The following RNF216 variants were observed in gnomAD, a reference collection of about 807,000 sequenced individuals.
The protein encoded by RNF216 is ring finger protein 216.
RNF216 carries 72 observed loss-of-function variants against 110.8 expected under a neutral mutation model. The ratio of observed to expected loss-of-function variants is 0.65; its 90% CI spans 0.54 to 0.79. The LOEUF (loss-of-function observed/expected upper bound fraction) is 0.79. RNF216 is among the 30% of genes least tolerant of loss of function. The pLI is 0.00. For synonymous variants in RNF216, 495 were observed against 407.5 expected (o/e 1.21, Z -2.59); for missense variants, 1,342 against 1,141.2 (o/e 1.18, Z -2.54).
chr7:5,760,151 A>T (rs936168873), intron 2 of RNF216, among the ~76,000 whole-genome samples: 1 of 152,240 alleles, frequency 6.6e-6, no homozygotes, highest in African/African-American at 2.4e-5. Context: ...AATTTCACAA[A>T]CATGTAAGAA....
intron 1 of RNF216, among the ~76,000 whole-genome samples, chr7:5,767,238 C>T (rs777856851): frequency 6.6e-6 from 1 of 152,170 alleles, no homozygotes; most frequent in Admixed American, 6.5e-5. Context: ...GGGCTCTGAT[C>T]CATGAAAAAT....
intron 13 of RNF216, among the ~76,000 whole-genome samples, chr7:5,699,436 A>G (rs544014123): frequency 6.6e-6 from 1 of 152,212 alleles, no homozygotes; most frequent in Non-Finnish European, 1.5e-5. Context: ...TTTTATTAGC[A>G]AATACCTAGA....
chr7:5,651,767 G>C (rs1404597584), intron 14 of RNF216, among the ~76,000 whole-genome samples: 17 of 152,002 alleles, frequency 1.1e-4, no homozygotes, highest in Non-Finnish European at 1.5e-5. Flanking sequence ...TCCTGCCTCA[G>C]CCTCCCGAGT....
intron 13 of RNF216, among the ~76,000 whole-genome samples, chr7:5,660,874 G>C (rs2128585065): frequency 6.7e-6 from 1 of 149,850 alleles, no homozygotes; most frequent in Non-Finnish European, 1.5e-5. Context: ...CTGGCCTGGG[G>C]AACATCTTTA....
At chr7:5,625,333 C>T (rs1786642531) in intron 15 of RNF216, among the ~76,000 whole-genome samples, 2 of 152,234 alleles carry the variant, frequency 1.3e-5, no homozygotes, top group South Asian at 4.1e-4. Flanking sequence ...CCCAACAATG[C>T]AAGCAGTCTA....
chr7:5,622,899 C>T lies in RNF216; in HGVS notation c.2733G>A (p.Leu911=). ...GCGGCTGGGGGCCAAAGTGCATGGG[C>T]AGGTTGTGCTCCAGGGGCATGTGGA... ...GPIHMPLEHN[L]PMHFGPQPRH... is the part of the protein sequence containing the mutation. Residue 911 remains leucine, a synonymous_variant, in exon 17 of 17, where the codon CTG becomes CTA. Coordinates refer to ENST00000389902, the MANE Select transcript of RNF216 (RefSeq NM_207111.4). 4 of 1,611,760 alleles carry T rather than the reference C, an allele frequency of 2.5e-6. No homozygotes were observed. The highest frequency in any genetic ancestry group is 3.4e-6 in the Non-Finnish European group (4 of 1,178,608).
At chr7:5,679,670 C>T (rs771414489) in intron 13 of RNF216, among the ~76,000 whole-genome samples, 2 of 152,214 alleles carry the variant, frequency 1.3e-5, no homozygotes, top group East Asian at 3.8e-4. Context: ...GAGAATAGCC[C>T]TGTCATGGAA....
intron 13 of RNF216, among the ~76,000 whole-genome samples, chr7:5,667,595 T>C (rs1339409066): frequency 2.6e-5 from 4 of 152,180 alleles, no homozygotes; most frequent in African/African-American, 9.7e-5. Flanking sequence ...AGAAACACTG[T>C]TATCACTTGG....
In RNF216 at chr7:5,701,069, T is replaced by G. The variant is rs565266998; in HGVS notation, c.2061+10692A>C. On this transcript the variant is annotated intron_variant, in intron 13 of 16. Coordinates refer to ENST00000389902, the MANE Select transcript of RNF216 (RefSeq NM_207111.4). Reference sequence around the variant, plus strand: ...TGAGAGAAGGAGCACAGCAGTGCTGTGGACAGAGAGTGCAGACCCTGAGAG... The same window carrying G: ...TGAGAGAAGGAGCACAGCAGTGCTGGGGACAGAGAGTGCAGACCCTGAGAG... 1.2e-4 allele frequency among the ~76,000 whole-genome samples: 18 copies of G among 152,252 alleles called. No homozygotes were observed. In the South Asian group the frequency reaches 3.5e-3, roughly 30 times the overall value.
At chr7:5,645,479 C>G (rs1787995538) in intron 14 of RNF216, among the ~76,000 whole-genome samples, 2 of 152,158 alleles carry the variant, frequency 1.3e-5, no homozygotes, top group South Asian at 4.1e-4. Context: ...ACAGCCGTAT[C>G]TTCAAGATCT....
At chr7:5,705,737 C>T (rs1348540505) in intron 13 of RNF216, among the ~76,000 whole-genome samples, 5 of 152,036 alleles carry the variant, frequency 3.3e-5, no homozygotes, top group South Asian at 4.1e-4. Context: ...GGAGAAACCC[C>T]GCCTCTACAA....
At chr7:5,759,022 T>C (rs1040041296) in intron 2 of RNF216, among the ~76,000 whole-genome samples, 2 of 152,140 alleles carry the variant, frequency 1.3e-5, no homozygotes, top group Admixed American at 6.5e-5. Flanking sequence ...AATTGGATCA[T>C]GGGGGTGGTA....
chr7:5,707,718 GTTTTTTT>G (rs35372254), intron 13 of RNF216, among the ~76,000 whole-genome samples: 14 of 92,856 alleles, frequency 1.5e-4, no homozygotes, highest in African/African-American at 6.2e-4. Context: ...TGTGTGTGTG[GTTTTTTT>G]TTTTTTTTTT....
At position 5,622,551 on chromosome 7, in the gene RNF216, G is replaced by A; in HGVS notation, c.*309C>T. The A allele has an allele frequency of 3.1e-6, 1 of 324,764 alleles. No homozygotes were observed. Among genetic ancestry groups the A allele is most frequent in the East Asian group, 5.3e-5 (1 of 18,834 alleles). 20.1% of individuals were successfully genotyped at this position (324,764 alleles called of 1,614,324 possible). A position where few individuals can be genotyped will look rare whatever the true frequency, so the allele number is the denominator to read the frequency against. Reference sequence around the variant, plus strand: ...GGAGAGGCCCAGGTGTGAGCAGCAGGGACCTGGTCTATGGCCTATGCCATG... The same window carrying A: ...GGAGAGGCCCAGGTGTGAGCAGCAGAGACCTGGTCTATGGCCTATGCCATG... On this transcript the variant is annotated 3_prime_UTR_variant, in exon 17 of 17. Transcript: ENST00000389902.
In RNF216 at chr7:5,775,761, C is replaced by T. The variant is rs577840066; in HGVS notation, c.-70+5780G>A. On this transcript the variant is annotated intron_variant, in intron 1 of 16. Coordinates refer to ENST00000389902, the MANE Select transcript of RNF216 (RefSeq NM_207111.4). ...GCAGGCACCTGTAGTCCCAGCTACT[C>T]GGGAGGCTGAGGCAGGAGAAATGCT... 2.3e-4 allele frequency among the ~76,000 whole-genome samples: 35 copies of T among 151,930 alleles called. No individual in the cohort carries two copies. In the East Asian group the frequency reaches 6.0e-3, roughly 26 times the overall value.
At chr7:5,656,060 G>A (rs1584389051) in intron 13 of RNF216, among the ~76,000 whole-genome samples, 1 of 152,146 alleles carries the variant, frequency 6.6e-6, no homozygotes, top group East Asian at 1.9e-4. Context: ...CCTGAGGTCA[G>A]GAGTTTGAGA....
rs1471149066 is a variant in RNF216 at position 5,622,982 on chromosome 7, G to T, written c.2650C>A (p.Pro884Thr). 1 of 1,614,066 alleles carries T rather than the reference G, an allele frequency of 6.2e-7. No individual in the cohort carries two copies. Among genetic ancestry groups the T allele is most frequent in the Non-Finnish European group, 8.5e-7 (1 of 1,179,994 alleles). Reference protein sequence around the residue: ...NNFPLNMGPIPAPYVPPLPNV... With the variant: ...NNFPLNMGPITAPYVPPLPNV... ...GGCAGAGGGGGCACGTACGGGGCTG[G>T]GATAGGCCCCATGTTGAGTGGGAAG... is the stretch of plus-strand genomic sequence containing the variant. The change falls in exon 17 of 17, where the codon CCA becomes ACA. Residue 884 changes from proline to threonine, a missense_variant. By Grantham distance (38) the Pro-to-Thr change is conservative (BLOSUM62 -1). Transcript: ENST00000389902.
chr7:5,762,054 T>C (rs1275866929), intron 1 of RNF216, among the ~76,000 whole-genome samples: 2 of 152,184 alleles, frequency 1.3e-5, no homozygotes, highest in Non-Finnish European at 1.5e-5. Context: ...ATGGTCATTA[T>C]AGCAAATATG....
chr7:5,663,586 GA>G (rs35905773), intron 13 of RNF216, among the ~76,000 whole-genome samples: 27,086 of 80,068 alleles, frequency 0.34, 3,821 homozygotes, highest in East Asian at 0.67. Context: ...TCCACCTCAG[GA>G]AAAAAAAAAA....
Sources: allele counts gnomAD v4.1 joint callset (sites outside exome capture counted in the v4.1 genomes callset), GRCh38; gene constraint gnomAD v4.1.1; transcripts MANE v1.5; gene names NCBI Gene and HGNC (gene_info 2026-07-23, HGNC 2026-07-21).